IGF2R: variants seen among roughly 807,000 people sequenced by gnomAD.
The protein encoded by IGF2R is cation-independent mannose-6-phosphate receptor.
Under a neutral mutation model 270.6 loss-of-function variants are expected in IGF2R, and 91 were observed. The ratio of observed to expected loss-of-function variants is 0.34; its 90% CI spans 0.28 to 0.40. IGF2R has a LOEUF of 0.40. Ranked by LOEUF, IGF2R falls within the 10% of genes least tolerant of loss-of-function variation. The pLI is 1.00. For synonymous variants in IGF2R, 1,316 were observed against 1,258.9 expected (o/e 1.05, Z -0.96); for missense variants, 2,805 against 3,188.3 (o/e 0.88, Z 2.90).
rs779540748 is a variant in IGF2R at position 160,061,841 on chromosome 6, A to T, written c.3495A>T (p.Gly1165=). The change falls in exon 25 of 48, where the codon GGA becomes GGT. Residue 1165 remains glycine, a synonymous_variant. Coordinates refer to ENST00000356956, the MANE Select transcript of IGF2R (RefSeq NM_000876.4). ...VQMSPQAAAN[G]SLSIMYVNGD... ...TGAGTCCCCAAGCCGCGGCGAATGG[A>T]TCTTTGAGCATCATGTATGTCAACG... 29 of 1,613,974 alleles carry T rather than the reference A, an allele frequency of 1.8e-5. No homozygotes were observed.
At chr6:160,066,449 G>A (rs1778587667) in intron 29 of IGF2R, among the ~76,000 whole-genome samples, 1 of 152,062 alleles carries the variant, frequency 6.6e-6, no homozygotes, top group African/African-American at 2.4e-5. Flanking sequence ...CACTGCGCCC[G>A]GCCTTCCTAA....
chr6:160,080,957 AAT>A (rs1311656262), intron 39 of IGF2R, among the ~76,000 whole-genome samples: 2 of 120,476 alleles, frequency 1.7e-5, no homozygotes, highest in African/African-American at 7.2e-5. Flanking sequence ...CTCTACTAAA[AAT>A]ACAAAAAAAA....
At chr6:160,071,884 C>T (rs1252024279) in intron 31 of IGF2R, 26 bp from the exon 32 acceptor site, 1 of 1,613,810 alleles carries the variant, frequency 6.2e-7, no homozygotes, top group African/African-American at 1.3e-5. Context: ...GTGATCCCTT[C>T]AGGACCTGTC....
intron 4 of IGF2R, among the ~76,000 whole-genome samples, chr6:160,014,927 A>G (rs1010186709): frequency 4.6e-5 from 7 of 152,218 alleles, no homozygotes; most frequent in Admixed American, 4.6e-4. Flanking sequence ...CTCCATTATT[A>G]GTAGAAACAC....
intron 2 of IGF2R, chr6:160,005,357 G>A (rs1307032260): frequency 2.0e-5 from 3 of 152,322 alleles, no homozygotes; most frequent in African/African-American, 4.8e-5. Flanking sequence ...GCCTGGCGTG[G>A]TGGCGGCAGC....
chr6:160,063,602 G>C lies in IGF2R; in HGVS notation c.3858G>C (p.Arg1286=), dbSNP rs1243034828. ...SKVVSSCQEK[R]EPQGFHKVAG... ...TGGTCTCCTCATGTCAGGAAAAGCGGGAACCGCAGGGATTTCACAAAGTGG... is the reference window on the plus strand; with the variant it reads ...TGGTCTCCTCATGTCAGGAAAAGCGCGAACCGCAGGGATTTCACAAAGTGG... The change falls in exon 27 of 48, where the codon CGG becomes CGC. Residue 1286 remains arginine, a synonymous_variant. Coordinates refer to ENST00000356956, the MANE Select transcript of IGF2R (RefSeq NM_000876.4). 2 of 1,614,032 alleles carry C rather than the reference G, an allele frequency of 1.2e-6. No individual in the cohort carries two copies. Among genetic ancestry groups the C allele is most frequent in the African/African-American group, 2.7e-5 (2 of 74,934 alleles).
intron 45 of IGF2R, among the ~76,000 whole-genome samples, chr6:160,098,212 T>C (rs1779408586): frequency 1.3e-5 from 2 of 152,110 alleles, no homozygotes; most frequent in African/African-American, 2.4e-5. Flanking sequence ...GTTGAATGTT[T>C]AGAGTTCGAC....
At chr6:160,040,119 G>A (rs1246303671) in intron 10 of IGF2R, among the ~76,000 whole-genome samples, 2 of 152,102 alleles carry the variant, frequency 1.3e-5, no homozygotes, top group East Asian at 3.8e-4. Context: ...GTTCACAGTC[G>A]CATCACTAAG....
At chr6:160,074,232 T>C (rs1231738040) in intron 35 of IGF2R, among the ~76,000 whole-genome samples, 2 of 152,212 alleles carry the variant, frequency 1.3e-5, no homozygotes, top group Non-Finnish European at 2.9e-5. Flanking sequence ...CTACTTGTCA[T>C]GAGCCTCAGG....
chr6:159,980,221 AAGAAAGAAAG>A (rs1783770511), intron 1 of IGF2R, among the ~76,000 whole-genome samples: 2 of 138,296 alleles, frequency 1.4e-5, no homozygotes, highest in South Asian at 4.7e-4. Flanking sequence ...GAAAGAAAGA[AAGAAAGAAAG>A]AAAGAAAGGT....
At chr6:159,985,708 A>G (rs568578009) in intron 1 of IGF2R, among the ~76,000 whole-genome samples, 19 of 152,152 alleles carry the variant, frequency 1.2e-4, no homozygotes, top group Non-Finnish European at 2.1e-4. Context: ...GGAGCTGTGG[A>G]TTCAGCCGGG....
At chr6:160,063,754 A>C (rs1340730747) in intron 27 of IGF2R, 124 bp downstream of exon 27, 6 of 691,772 alleles carry the variant, frequency 8.7e-6, no homozygotes, top group Admixed American at 3.0e-5. Flanking sequence ...AAAAAAAAAA[A>C]AGCATATTAA....
chr6:159,977,289 A>G (rs1783709489), intron 1 of IGF2R, among the ~76,000 whole-genome samples: 1 of 151,720 alleles, frequency 6.6e-6, no homozygotes, highest in Non-Finnish European at 1.5e-5. Flanking sequence ...GTGACAGGTG[A>G]CTCCTGACCG....
intron 2 of IGF2R, chr6:160,007,183 A>G (rs1784255623): frequency 1.3e-5 from 2 of 152,170 alleles, no homozygotes; most frequent in Non-Finnish European, 2.9e-5. Flanking sequence ...AGCATGAGAT[A>G]TTCTTTCACA....
chr6:159,980,298 G>C (rs566194187), intron 1 of IGF2R, among the ~76,000 whole-genome samples: 2 of 152,164 alleles, frequency 1.3e-5, no homozygotes, highest in Non-Finnish European at 2.9e-5. Flanking sequence ...CCCTAGGTGA[G>C]GGTTGCAGTT....
chr6:160,038,689 G>GC (rs999049979), intron 10 of IGF2R, among the ~76,000 whole-genome samples: 5 of 152,274 alleles, frequency 3.3e-5, no homozygotes, highest in African/African-American at 1.2e-4. Flanking sequence ...AAGCTCAGGG[G>GC]CCCAGCTATG....
chr6:160,020,003 G>C (rs538228860), intron 4 of IGF2R, among the ~76,000 whole-genome samples: 1 of 152,264 alleles, frequency 6.6e-6, no homozygotes, highest in Non-Finnish European at 1.5e-5. Context: ...GATCAGAAAA[G>C]AGACAGTCAA....
At chr6:160,095,540 AGCGTTG>A (rs1251118807) in intron 44 of IGF2R, 1 of 152,224 alleles carries the variant, frequency 6.6e-6, no homozygotes, top group Non-Finnish European at 1.5e-5. Context: ...ACAAGTCCAA[AGCGTTG>A]ACTGTTGTAT....
intron 44 of IGF2R, among the ~76,000 whole-genome samples, chr6:160,090,824 A>G (rs1351882600): frequency 1.3e-5 from 2 of 152,064 alleles, no homozygotes; most frequent in African/African-American, 4.8e-5. Context: ...GATAGCTGAG[A>G]AGGAGCAGGT....
Sources: allele counts gnomAD v4.1 joint callset (sites outside exome capture counted in the v4.1 genomes callset), GRCh38; gene constraint gnomAD v4.1.1; transcripts MANE v1.5; gene names NCBI Gene and HGNC (gene_info 2026-07-23, HGNC 2026-07-21).